Variants in PTPDC1 observed in about 807,000 individuals in gnomAD.
PTPDC1 encodes the protein protein tyrosine phosphatase domain-containing protein 1.
PTPDC1 carries 53 observed loss-of-function variants against 75.3 expected under a neutral mutation model. The ratio of observed to expected loss-of-function variants is 0.70; its 90% CI spans 0.56 to 0.88. The LOEUF (loss-of-function observed/expected upper bound fraction) is 0.88, where lower values mean the gene tolerates loss of function less well. Ranked by LOEUF, PTPDC1 falls within the 40% of genes least tolerant of loss-of-function variation. The pLI, the probability that PTPDC1 is intolerant of heterozygous loss-of-function variation, is 0.00. For missense variants in PTPDC1, 925 were observed against 998.6 expected, an observed-to-expected ratio of 0.93 and a Z score of 0.99; for synonymous variants, 349 against 366.2, an observed-to-expected ratio of 0.95 and a Z score of 0.54.
chr9:94,098,131 A>G lies in PTPDC1; in HGVS notation c.1565A>G (p.Lys522Arg). 2 of 1,614,234 alleles carry G rather than the reference A, an allele frequency of 1.2e-6. No homozygotes were observed. Among genetic ancestry groups the G allele is most frequent in the East Asian group, 2.2e-5 (1 of 44,886 alleles). Residue 522 changes from lysine to arginine, a missense_variant, in exon 6 of 9, where the codon AAA becomes AGA. Coordinates refer to ENST00000620992, the MANE Select transcript of PTPDC1 (RefSeq NM_001253829.2). ...QSKFGGLEGL[K>R]DNGSPIFHGR... is the part of the protein sequence containing the mutation. ...AAGTTTGGAGGCCTGGAAGGACTCA[A>G]AGATAATGGGTCACCAATTTTCCAT...
chr9:94,105,246 A>G (rs1000648489), intron 8 of PTPDC1, among the ~76,000 whole-genome samples: 5 of 152,104 alleles, frequency 3.3e-5, no homozygotes, highest in Admixed American at 1.3e-4. Context: ...CATCTTTTCA[A>G]TCTGTTCTCC....
At chr9:94,066,474 G>C (rs1475043917) in intron 2 of PTPDC1, among the ~76,000 whole-genome samples, 1 of 152,212 alleles carries the variant, frequency 6.6e-6, no homozygotes, top group East Asian at 1.9e-4. Flanking sequence ...ATTTTTAAAG[G>C]AAAACAGAAA....
intron 2 of PTPDC1, among the ~76,000 whole-genome samples, chr9:94,076,241 T>C (rs1431015166): frequency 6.6e-6 from 1 of 152,098 alleles, no homozygotes; most frequent in Non-Finnish European, 1.5e-5. Context: ...CGGCCTCAGG[T>C]AATCCACCTG....
chr9:94,045,922 G>C (rs1443888067), intron 1 of PTPDC1, among the ~76,000 whole-genome samples: 1 of 152,180 alleles, frequency 6.6e-6, no homozygotes, highest in Non-Finnish European at 1.5e-5. Flanking sequence ...CCTTGCTCAT[G>C]CTTATGTCCT....
Position 94,098,348 on chromosome 9 carries a change from G to C in PTPDC1, c.1782G>C (p.Gln594His). 1 of 1,614,210 alleles carries C rather than the reference G, an allele frequency of 6.2e-7. No homozygotes were observed. Among genetic ancestry groups the C allele is most frequent in the Non-Finnish European group, 8.5e-7 (1 of 1,180,042 alleles). ...HGVGSPGSVR[Q>H]NSRTPRSPLD... ...TTGGGAGCCCTGGCTCTGTCAGGCA[G>C]AACAGCAGGACACCCCGAAGCCCTC... The change falls in exon 6 of 9, where the codon CAG becomes CAC. Residue 594 changes from glutamine (Q) to histidine (H), a missense_variant. Gln to His is a conservative substitution (Grantham distance 24). Coordinates refer to ENST00000620992, the MANE Select transcript of PTPDC1 (RefSeq NM_001253829.2).
Position 94,104,399 on chromosome 9 carries a change from T to G in PTPDC1, c.2310+14T>G. ...GCATTCACTAAGGTGGGTCATACTC[T>G]TCCTTTCCCCTCTCTGAACCACAGA... On this transcript the variant is annotated intron_variant, in intron 8 of 8. Coordinates refer to ENST00000620992, the MANE Select transcript of PTPDC1 (RefSeq NM_001253829.2). 1.3e-6 allele frequency: 2 copies of G among 1,534,146 alleles called. No homozygotes were observed. Among genetic ancestry groups the G allele is most frequent in the Non-Finnish European group, 1.8e-6 (2 of 1,108,258 alleles).
chr9:94,070,655 A>G (rs1826481244), intron 2 of PTPDC1, among the ~76,000 whole-genome samples: 1 of 152,154 alleles, frequency 6.6e-6, no homozygotes, highest in African/African-American at 2.4e-5. Context: ...TACTTCCTTT[A>G]TAGTTAAACC....
chr9:94,079,307 G>T (rs901502782), intron 2 of PTPDC1, among the ~76,000 whole-genome samples: 2 of 149,856 alleles, frequency 1.3e-5, no homozygotes, highest in Admixed American at 6.6e-5. Context: ...TTTTAGCAGG[G>T]CACTCTTTCC....
chr9:94,054,130 G>A (rs949151960), intron 1 of PTPDC1, among the ~76,000 whole-genome samples: 3 of 152,212 alleles, frequency 2.0e-5, no homozygotes, highest in African/African-American at 7.2e-5. Flanking sequence ...ATTCCGGTAG[G>A]ACAAGGCAGA....
At chr9:94,074,948 A>C (rs1826635996) in intron 2 of PTPDC1, among the ~76,000 whole-genome samples, 1 of 152,172 alleles carries the variant, frequency 6.6e-6, no homozygotes, top group South Asian at 2.1e-4. Flanking sequence ...GATGAGAACG[A>C]AGGTTCAGGT....
intron 6 of PTPDC1, chr9:94,099,989 G>T (rs1421151458): frequency 2.0e-5 from 3 of 152,186 alleles, no homozygotes; most frequent in Non-Finnish European, 2.9e-5. Flanking sequence ...TTCTGGAAAA[G>T]AATAAAATGA....
At chr9:94,036,020 T>C (rs1267127496) in intron 1 of PTPDC1, among the ~76,000 whole-genome samples, 1 of 143,868 alleles carries the variant, frequency 7.0e-6, no homozygotes, top group East Asian at 2.0e-4. Flanking sequence ...AATCGGATTA[T>C]TTGTTTTTTT....
At chr9:94,067,642 C>G (rs1826356687) in intron 2 of PTPDC1, among the ~76,000 whole-genome samples, 1 of 152,004 alleles carries the variant, frequency 6.6e-6, no homozygotes, top group Non-Finnish European at 1.5e-5. Context: ...TTTTTTGTCT[C>G]CCAGGCTGGA....
At chr9:94,083,842 T>C (rs917825260), upstream of PTPDC1, among the ~76,000 whole-genome samples, 1 of 152,232 alleles carries the variant, frequency 6.6e-6, no homozygotes, top group Admixed American at 6.5e-5. Flanking sequence ...TAACTAAGAA[T>C]TGGGTTTTTA....
chr9:94,093,480 G>T (rs1219515295), intron 4 of PTPDC1, among the ~76,000 whole-genome samples: 2 of 146,848 alleles, frequency 1.4e-5, no homozygotes, highest in African/African-American at 2.5e-5. Flanking sequence ...GCTTCCCTTT[G>T]AGGGTAACCC....
At chr9:94,089,001 C>T (rs751747586) in intron 4 of PTPDC1, among the ~76,000 whole-genome samples, 6 of 151,632 alleles carry the variant, frequency 4.0e-5, no homozygotes, top group African/African-American at 7.3e-5. Context: ...AATTATACTT[C>T]GCCATAATTC....
intron 1 of PTPDC1, among the ~76,000 whole-genome samples, chr9:94,044,544 A>G (rs1465352139): frequency 6.6e-6 from 1 of 152,068 alleles, no homozygotes; most frequent in Non-Finnish European, 1.5e-5. Context: ...AAGTGAGAAC[A>G]TGTGGCCTGC....
intron 1 of PTPDC1, among the ~76,000 whole-genome samples, chr9:94,033,594 T>G (rs1439885952): frequency 1.3e-5 from 2 of 152,228 alleles, no homozygotes; most frequent in East Asian, 1.9e-4. Context: ...ATGGGGACAG[T>G]GCCTCCAGGG....
chr9:94,089,267 C>A (rs1827198309), intron 4 of PTPDC1, among the ~76,000 whole-genome samples: 1 of 141,436 alleles, frequency 7.1e-6, no homozygotes, highest in African/African-American at 2.7e-5. Flanking sequence ...GTGTGATATT[C>A]CCCTTCCTGT....
Sources: allele counts gnomAD v4.1 joint callset (sites outside exome capture counted in the v4.1 genomes callset), GRCh38; gene constraint gnomAD v4.1.1; transcripts MANE v1.5; gene names NCBI Gene and HGNC (gene_info 2026-07-23, HGNC 2026-07-21).